The following AP2B1 variants were observed in gnomAD, a reference collection of about 807,000 sequenced individuals.
The protein encoded by AP2B1 is AP-2 complex subunit beta.
AP2B1 carries 23 observed loss-of-function variants against 102.0 expected under a neutral mutation model. The ratio of observed to expected loss-of-function variants is 0.23; its 90% confidence interval spans 0.16 to 0.32. The LOEUF (loss-of-function observed/expected upper bound fraction) is 0.32. Ranked by LOEUF, AP2B1 falls within the 10% of genes least tolerant of loss-of-function variation. The pLI is 1.00. For missense variants in AP2B1, 541 were observed against 1,157.4 expected, an observed-to-expected ratio of 0.47 and a Z score of 7.73; for synonymous variants, 381 against 421.2, an observed-to-expected ratio of 0.90 and a Z score of 1.17.
intron 1 of AP2B1, among the ~76,000 whole-genome samples, chr17:35,593,402 T>C (rs1243147783): frequency 6.6e-6 from 1 of 152,012 alleles, no homozygotes; most frequent in East Asian, 1.9e-4. Context: ...TATCAAAATA[T>C]CTCATGTACC....
intron 12 of AP2B1, among the ~76,000 whole-genome samples, chr17:35,646,763 AC>A (rs1343204162): frequency 6.6e-6 from 1 of 151,400 alleles, no homozygotes; most frequent in African/African-American, 2.4e-5. Flanking sequence ...TAATTTTTGT[AC>A]CCTTTGTAGA....
At position 35,642,507 on chromosome 17, in the gene AP2B1, G is replaced by A. The variant is rs141477009; in HGVS notation, c.1536+532G>A. The stretch of plus-strand genomic sequence containing the variant: ...GATGGATTCAGATCTCAGGAAAGTG[G>A]CAGCTGGCTTTAAATATCAGGTCAT... On this transcript the variant is annotated intron_variant, in intron 12 of 21. Coordinates refer to ENST00000610402, the MANE Select transcript of AP2B1 (RefSeq NM_001030006.2). 2.0e-5 allele frequency among the ~76,000 whole-genome samples: 3 copies of A among 152,214 alleles called. No individual in the cohort carries two copies. The East Asian group carries it at 5.8e-4, about 29-fold the overall frequency.
At chr17:35,633,466 C>T (rs1328865876) in intron 9 of AP2B1, among the ~76,000 whole-genome samples, 2 of 151,282 alleles carry the variant, frequency 1.3e-5, no homozygotes, top group African/African-American at 4.9e-5. Context: ...TATTAAATTG[C>T]TTATAGTGGT....
chr17:35,639,361 C>T (rs2074703034), intron 10 of AP2B1, among the ~76,000 whole-genome samples: 1 of 152,050 alleles, frequency 6.6e-6, no homozygotes, highest in African/African-American at 2.4e-5. Context: ...AACAAAAGAA[C>T]ATCTGATGAA....
At chr17:35,632,285 C>G (rs1467261206) in intron 9 of AP2B1, among the ~76,000 whole-genome samples, 1 of 151,998 alleles carries the variant, frequency 6.6e-6, no homozygotes, top group Non-Finnish European at 1.5e-5. Context: ...CAGACATGCA[C>G]CACCATGCCC....
intron 4 of AP2B1, among the ~76,000 whole-genome samples, chr17:35,607,099 T>G (rs868150697): frequency 1.1e-4 from 17 of 152,118 alleles, no homozygotes; most frequent in Non-Finnish European, 7.4e-5. Flanking sequence ...GAGATGGGGT[T>G]TCACCATATT....
intron 17 of AP2B1, 23 bp downstream of exon 17, chr17:35,674,344 T>A (rs2075653736): frequency 6.2e-7 from 1 of 1,613,156 alleles, no homozygotes; most frequent in Non-Finnish European, 8.5e-7. Context: ...GGTCCCTAGC[T>A]TGATGTTGAG....
intron 12 of AP2B1, among the ~76,000 whole-genome samples, chr17:35,644,131 CAG>C (rs1368812034): frequency 5.9e-5 from 9 of 152,270 alleles, no homozygotes; most frequent in African/African-American, 1.9e-4. Flanking sequence ...TGAGGAAACT[CAG>C]AGAGGCCTAA....
At chr17:35,640,009 T>C (rs1388285905) in intron 11 of AP2B1, among the ~76,000 whole-genome samples, 2 of 152,134 alleles carry the variant, frequency 1.3e-5, no homozygotes, top group African/African-American at 4.8e-5. Flanking sequence ...CTTTGCCTCC[T>C]GGGTTCAAGC....
chr17:35,655,422 G>A (rs1203517308), intron 13 of AP2B1, among the ~76,000 whole-genome samples: 1 of 152,094 alleles, frequency 6.6e-6, no homozygotes, highest in Non-Finnish European at 1.5e-5. Context: ...TGCTATAAAT[G>A]GAACCTACAG....
At chr17:35,642,028 G>A in intron 12 of AP2B1, 53 bp downstream of exon 12, 2 of 1,371,836 alleles carry the variant, frequency 1.5e-6, no homozygotes, top group Non-Finnish European at 2.1e-6. Flanking sequence ...CAAATTGTAG[G>A]AAATTATGAA....
chr17:35,619,414 A>T (rs1339838343), intron 5 of AP2B1, among the ~76,000 whole-genome samples: 1 of 152,138 alleles, frequency 6.6e-6, no homozygotes, highest in East Asian at 1.9e-4. Flanking sequence ...AGGCCAAGGC[A>T]GGAAGATTGC....
At chr17:35,688,539 C>CT (rs1567988600) in intron 18 of AP2B1, among the ~76,000 whole-genome samples, 2 of 152,192 alleles carry the variant, frequency 1.3e-5, no homozygotes, top group Non-Finnish European at 1.5e-5. Flanking sequence ...AACTTCTTTG[C>CT]TGCTGCTCTC....
chr17:35,714,921 GA>G (rs2076523291), intron 20 of AP2B1, among the ~76,000 whole-genome samples: 1 of 152,100 alleles, frequency 6.6e-6, no homozygotes. Flanking sequence ...CTGTTTCCCA[GA>G]AGGTCAAAAT....
chr17:35,712,843 T>C (rs587730902), intron 20 of AP2B1, among the ~76,000 whole-genome samples: 3 of 152,306 alleles, frequency 2.0e-5, no homozygotes, highest in South Asian at 2.1e-4. Flanking sequence ...AAAATACTTA[T>C]TAGTAACATC....
At chr17:35,718,312 C>CTG (rs57852031) in intron 21 of AP2B1, among the ~76,000 whole-genome samples, 16,773 of 139,036 alleles carry the variant, frequency 0.12, 974 homozygotes, top group Admixed American at 0.15. Flanking sequence ...GTTGGAGTAG[C>CTG]TGTGTGTGTG....
chr17:35,613,398 T>C (rs998785682), intron 5 of AP2B1, among the ~76,000 whole-genome samples: 3 of 152,056 alleles, frequency 2.0e-5, no homozygotes, highest in African/African-American at 4.8e-5. Flanking sequence ...AGCTTTACCA[T>C]AGTTTTGTTT....
At chr17:35,662,854 A>G (rs952715643) in intron 14 of AP2B1, among the ~76,000 whole-genome samples, 1 of 152,168 alleles carries the variant, frequency 6.6e-6, no homozygotes, top group African/African-American at 2.4e-5. Flanking sequence ...GCTATTGTGT[A>G]TATCAAAAAT....
chr17:35,660,165 G>A (rs2075325663), intron 14 of AP2B1: 1 of 802,736 alleles, frequency 1.2e-6, no homozygotes, highest in Non-Finnish European at 1.5e-6. Context: ...TTAGTTTGTG[G>A]AAATGGGTTC....
Sources: allele counts gnomAD v4.1 joint callset (sites outside exome capture counted in the v4.1 genomes callset), GRCh38; gene constraint gnomAD v4.1.1; transcripts MANE v1.5; gene names NCBI Gene and HGNC (gene_info 2026-07-23, HGNC 2026-07-21).